Variants in ELAVL1 observed in about 807,000 individuals in gnomAD.
ELAVL1 encodes ELAV-like protein 1.
In ELAVL1, 1 loss-of-function variant was observed where a neutral mutation model predicts 28.4. The ratio of observed to expected loss-of-function variants is 0.04; its 90% CI spans 0.01 to 0.17. The LOEUF is 0.17. ELAVL1 is among the 10% of genes least tolerant of loss of function. The pLI is 1.00. For missense variants in ELAVL1, 157 were observed against 447.2 expected, an observed-to-expected ratio of 0.35 and a Z score of 5.85; for synonymous variants, 174 against 183.5, an observed-to-expected ratio of 0.95 and a Z score of 0.42.
At chr19:8,003,368 A>AG (rs1012210684) in intron 1 of ELAVL1, among the ~76,000 whole-genome samples, 1 of 134,242 alleles carries the variant, frequency 7.4e-6, no homozygotes, top group Non-Finnish European at 1.7e-5. Context: ...AAAAAAAAAA[A>AG]AAAAAAGAAA....
intron 1 of ELAVL1, among the ~76,000 whole-genome samples, chr19:7,997,841 A>C (rs1279604614): frequency 6.6e-6 from 1 of 152,028 alleles, no homozygotes; most frequent in South Asian, 2.1e-4. Context: ...ATCCCAGCTA[A>C]TCGGGGGGCT....
intron 2 of ELAVL1, among the ~76,000 whole-genome samples, chr19:7,983,664 G>A (rs952325643): frequency 8.5e-5 from 13 of 152,272 alleles, no homozygotes; most frequent in East Asian, 5.8e-4. Flanking sequence ...CCTTGGCTGC[G>A]GCGCCTCAGG....
rs116473535 is a variant in ELAVL1 at position 7,983,039 on chromosome 19, C to T, written c.173-1853G>A. On this transcript the variant is annotated intron_variant, in intron 2 of 5. Transcript: ENST00000407627. Reference sequence around the variant, plus strand: ...TCCCACCCCTTTCCACACTGCCCTCCGCGGAAGGAAGTCAGGACGCCCAGC... The same window carrying T: ...TCCCACCCCTTTCCACACTGCCCTCTGCGGAAGGAAGTCAGGACGCCCAGC... Among the ~76,000 whole-genome samples, 707 of 152,318 alleles carry T rather than the reference C, an allele frequency of 4.6e-3. 8 individuals carry two copies. The highest frequency in any genetic ancestry group is 0.016 in the African/African-American group (673 of 41,558).
rs894497979 is a variant in ELAVL1 at position 7,981,297 on chromosome 19, C to G, written c.173-111G>C. Reference sequence around the variant, plus strand: ...CCTTTGGGAAATGGGATTACAGGTGCTAGCAAACTTTATTTTCTTTGGCAA... The same window carrying G: ...CCTTTGGGAAATGGGATTACAGGTGGTAGCAAACTTTATTTTCTTTGGCAA... On this transcript the variant is annotated intron_variant, in intron 2 of 5. Coordinates refer to ENST00000407627, the MANE Select transcript of ELAVL1 (RefSeq NM_001419.3). The surrounding 1 kb of genome is among the most constrained non-coding windows in gnomAD (Gnocchi z 4.2). The G allele has an allele frequency of 2.2e-6, 2 of 924,974 alleles. No individual in the cohort carries two copies. Among genetic ancestry groups the G allele is most frequent in the Non-Finnish European group, 3.5e-6 (2 of 577,026 alleles). 57.3% of individuals were successfully genotyped at this position (924,974 alleles called of 1,614,324 possible).
rs537275264 is a variant in ELAVL1, at chr19:7,999,190, T to A, written c.-17+6305A>T. 1.5e-4 allele frequency among the ~76,000 whole-genome samples: 23 copies of A among 152,276 alleles called. 1 individual carries two copies. The highest frequency in any genetic ancestry group is 1.4e-3 in the Admixed American group (21 of 15,294). On this transcript the variant is annotated intron_variant, in intron 1 of 5. Coordinates refer to ENST00000407627, the MANE Select transcript of ELAVL1 (RefSeq NM_001419.3). The stretch of plus-strand genomic sequence containing the variant: ...GAGTTTGAGACCAGCATGGCCAACA[T>A]AGTGAAACCCTGTCTATACTGAAAA...
At chr19:7,994,712 A>G (rs1265022585) in intron 1 of ELAVL1, among the ~76,000 whole-genome samples, 1 of 152,212 alleles carries the variant, frequency 6.6e-6, no homozygotes, top group East Asian at 1.9e-4. Context: ...CAACTGCAGG[A>G]TCTTTCTACA....
chr19:7,974,898 AG>A (rs1985237166), intron 3 of ELAVL1, among the ~76,000 whole-genome samples: 1 of 152,220 alleles, frequency 6.6e-6, no homozygotes, highest in Admixed American at 6.5e-5. Flanking sequence ...GTTCCAGAGA[AG>A]GAACAACAGA....
At chr19:7,983,539 A>G (rs1303525544) in intron 2 of ELAVL1, among the ~76,000 whole-genome samples, 1 of 152,126 alleles carries the variant, frequency 6.6e-6, no homozygotes, top group African/African-American at 2.4e-5. Context: ...CTTGACCACG[A>G]CGCCAGCCTG....
chr19:7,978,692 G>T (rs920713952), intron 3 of ELAVL1, among the ~76,000 whole-genome samples: 2 of 151,936 alleles, frequency 1.3e-5, no homozygotes, highest in African/African-American at 2.4e-5. Flanking sequence ...GCACCCTGAA[G>T]GGGTGGCGGG....
At chr19:7,993,684 GGTAGTCATCCC>G (rs1985810694) in intron 1 of ELAVL1, among the ~76,000 whole-genome samples, 1 of 151,814 alleles carries the variant, frequency 6.6e-6, no homozygotes, top group African/African-American at 2.4e-5. Context: ...TAAACACACA[GGTAGTCATCCC>G]TGTGGATGGC....
chr19:7,980,658 C>T (rs1182628748), intron 3 of ELAVL1, among the ~76,000 whole-genome samples: 1 of 152,182 alleles, frequency 6.6e-6, no homozygotes, highest in Non-Finnish European at 1.5e-5. Context: ...TTACTGTCTG[C>T]ACCCCCGACC....
chr19:7,992,522 A>G (rs1985778861), intron 1 of ELAVL1, among the ~76,000 whole-genome samples: 1 of 152,172 alleles, frequency 6.6e-6, no homozygotes, highest in African/African-American at 2.4e-5. Context: ...TTCCAACTCT[A>G]TGACCTTCTG....
In ELAVL1 at chr19:7,961,163, G is replaced by C. The variant is rs1984795068; in HGVS notation, c.*2320C>G. ...TAATTGATAGGATTCAGATAAAAGG[G>C]GGCGAGGAAAGAAGCTGAGGTGCTA... On this transcript the variant is annotated 3_prime_UTR_variant, in exon 6 of 6. Coordinates refer to ENST00000407627, the MANE Select transcript of ELAVL1 (RefSeq NM_001419.3). 1 of 152,234 alleles carries C rather than the reference G, an allele frequency of 6.6e-6. No individual in the cohort carries two copies. The highest frequency in any genetic ancestry group is 6.5e-5 in the Admixed American group (1 of 15,286). 9.4% of individuals were successfully genotyped at this position (152,234 alleles called of 1,614,324 possible). A position where few individuals can be genotyped will look rare whatever the true frequency, so the allele number is the denominator to read the frequency against.
At chr19:7,997,801 C>T (rs1293185955) in intron 1 of ELAVL1, among the ~76,000 whole-genome samples, 1 of 151,504 alleles carries the variant, frequency 6.6e-6, no homozygotes, top group Non-Finnish European at 1.5e-5. Flanking sequence ...TTAAAAATTA[C>T]CCAGGAATGG....
chr19:7,989,220 A>G (rs1443088668), intron 2 of ELAVL1, among the ~76,000 whole-genome samples: 1 of 152,162 alleles, frequency 6.6e-6, no homozygotes, highest in African/African-American at 2.4e-5. Flanking sequence ...GTTTGCCCAC[A>G]CTGGCGGCAG....
At chr19:8,003,375 GAAAAAGAA>G (rs2081075400) in intron 1 of ELAVL1, among the ~76,000 whole-genome samples, 2 of 59,918 alleles carry the variant, frequency 3.3e-5, no homozygotes, top group Admixed American at 1.9e-4. Context: ...AAAAAAAAAA[GAAAAAGAA>G]AAAAAAAAAA....
intron 1 of ELAVL1, among the ~76,000 whole-genome samples, chr19:8,001,188 T>C (rs2081066622): frequency 6.6e-6 from 1 of 152,144 alleles, no homozygotes; most frequent in Non-Finnish European, 1.5e-5. Flanking sequence ...AATGTATGTC[T>C]CCCCAACCTC....
intron 1 of ELAVL1, among the ~76,000 whole-genome samples, chr19:7,994,718 C>T (rs567484530): frequency 6.6e-6 from 1 of 152,324 alleles, no homozygotes; most frequent in South Asian, 2.1e-4. Flanking sequence ...CAGGATCTTT[C>T]TACAGAAATA....
At chr19:7,969,427 C>T (rs529246052) in intron 4 of ELAVL1, among the ~76,000 whole-genome samples, 8 of 152,258 alleles carry the variant, frequency 5.3e-5, no homozygotes, top group Admixed American at 1.3e-4. Context: ...CCCCCACAAT[C>T]GCGACACTGC....
Sources: allele counts gnomAD v4.1 joint callset (sites outside exome capture counted in the v4.1 genomes callset), GRCh38; gene constraint gnomAD v4.1.1; non-coding constraint Gnocchi (gnomAD v3.1); transcripts MANE v1.5; gene names NCBI Gene and HGNC (gene_info 2026-07-23, HGNC 2026-07-21).